The following FUNDC1 variants were observed in gnomAD, a reference collection of about 807,000 sequenced individuals.
FUNDC1 encodes the protein FUN14 domain containing 1.
FUNDC1 carries 10 observed loss-of-function variants against 14.5 expected under a neutral mutation model. The ratio of observed to expected loss-of-function variants is 0.69; its 90% CI spans 0.43 to 1.17. The LOEUF (loss-of-function observed/expected upper bound fraction) is 1.17, where lower values mean the gene tolerates loss of function less well. Ranked by LOEUF, FUNDC1 falls within the 50% of genes most tolerant of loss-of-function variation. The probability of loss-of-function intolerance (pLI) is 0.00; values close to 1 mark genes in which losing one functional copy is unlikely to be tolerated. For synonymous variants in FUNDC1, 33 were observed against 39.7 expected (o/e 0.83, Z 0.64); for missense variants, 115 against 113.8 (o/e 1.01, Z -0.05).
intron 3 of FUNDC1, among the ~76,000 whole-genome samples, chrX:44,536,203 C>G (rs1339753299): frequency 9.3e-6 from 1 of 107,410 alleles, no homozygotes; most frequent in Admixed American, 1.0e-4. Context: ...TCTATAATCC[C>G]AGCTACTTGG....
intron 1 of FUNDC1, among the ~76,000 whole-genome samples, chrX:44,542,589 G>A (rs1400240568): frequency 9.1e-6 from 1 of 110,195 alleles, no homozygotes; most frequent in Non-Finnish European, 1.9e-5. Flanking sequence ...GCAGGAGGCA[G>A]GTAGGGCTGT....
At chrX:44,540,414 T>TTGTGTGTGTATG (rs1555923157) in intron 2 of FUNDC1, among the ~76,000 whole-genome samples, 65 of 96,669 alleles carry the variant, frequency 6.7e-4, no homozygotes, top group African/African-American at 1.4e-3. Flanking sequence ...AATGTGTGTG[T>TTGTGTGTGTATG]TGTGTGTGTG....
Position 44,531,296 on chromosome X carries a change from T to C in FUNDC1, c.262-3931A>G, listed in dbSNP as rs1464186049. Among the ~76,000 whole-genome samples the C allele has an allele frequency of 8.5e-4, 27 of 31,802 alleles. 4 individuals carry two copies. Among genetic ancestry groups the C allele is most frequent in the South Asian group, 3.9e-3 (3 of 775 alleles). 27.6% of individuals were successfully genotyped at this position (31,802 alleles called of 115,157 possible). On this transcript the variant is annotated intron_variant, in intron 3 of 4. Transcript: ENST00000378045. ...CACACACACACACACGGCTTTCAGATGAAGATTCATGTTGGCCAGACACAC... is the reference window on the plus strand; with the variant it reads ...CACACACACACACACGGCTTTCAGACGAAGATTCATGTTGGCCAGACACAC...
At chrX:44,531,325 C>A (rs1310979082) in intron 3 of FUNDC1, among the ~76,000 whole-genome samples, 10 of 60,218 alleles carry the variant, frequency 1.7e-4, no homozygotes, top group African/African-American at 1.2e-3. Flanking sequence ...GACACACACA[C>A]ACACACACAC....
At position 44,538,534 on chromosome X, in the gene FUNDC1, C is replaced by T. The variant is rs1411966188; in HGVS notation, c.194G>A (p.Gly65Glu). Residue 65 changes from glycine (G) to glutamate (E), a missense_variant, in exon 3 of 5, where the codon GGA (glycine) becomes GAA (glutamate). Transcript: ENST00000378045. ...VMGGVTGWCA[G>E]FLFQKVGKLA... ...TTTTCCAACTTTCTGGAACAGAAAT[C>T]CTGCACACCTTTAATCAAATAACAA... The T allele has an allele frequency of 8.4e-7, 1 of 1,191,824 alleles. No homozygotes were observed. The highest frequency in any genetic ancestry group is 1.8e-5 in the South Asian group (1 of 56,457).
At chrX:44,524,760 C>A in intron 4 of FUNDC1, among the ~76,000 whole-genome samples, 1 of 111,297 alleles carries the variant, frequency 9.0e-6, no homozygotes, top group Middle Eastern at 4.6e-3. Context: ...CCAGAAATGT[C>A]CCTGACTAAT....
intron 3 of FUNDC1, among the ~76,000 whole-genome samples, chrX:44,536,501 C>T (rs889175588): frequency 3.6e-5 from 4 of 110,740 alleles, no homozygotes; most frequent in Admixed American, 1.9e-4. Context: ...AGTAACTACA[C>T]TCAGACGATT....
At chrX:44,534,016 G>T (rs1366495299) in intron 3 of FUNDC1, among the ~76,000 whole-genome samples, 1 of 108,538 alleles carries the variant, frequency 9.2e-6, no homozygotes, top group Non-Finnish European at 1.9e-5. Context: ...AGTGAGCCAA[G>T]ATCGCACCAC....
intron 2 of FUNDC1, 48 bp downstream of exon 2, chrX:44,541,897 A>T (rs767202127): frequency 8.9e-7 from 1 of 1,128,078 alleles, no homozygotes; most frequent in African/African-American, 1.8e-5. Flanking sequence ...AAAGGACAGC[A>T]GTGTCAGGCC....
intron 3 of FUNDC1, among the ~76,000 whole-genome samples, chrX:44,529,685 G>A (rs2038915269): frequency 8.9e-6 from 1 of 111,885 alleles, no homozygotes; most frequent in Admixed American, 9.5e-5. Flanking sequence ...GCAACAAAAT[G>A]GATGAGCTAG....
chrX:44,529,065 AT>A (rs769763050), intron 3 of FUNDC1, among the ~76,000 whole-genome samples: 2 of 111,872 alleles, frequency 1.8e-5, no homozygotes, highest in Non-Finnish European at 3.8e-5. Context: ...AAGACTTAAC[AT>A]TTTAAGTTAC....
intron 4 of FUNDC1, among the ~76,000 whole-genome samples, chrX:44,525,506 A>G (rs1005231898): frequency 9.2e-6 from 1 of 108,144 alleles, no homozygotes; most frequent in African/African-American, 3.4e-5. Context: ...CTTAATTGGG[A>G]AAAAAAAAGC....
At chrX:44,535,630 A>C (rs1331524417) in intron 3 of FUNDC1, among the ~76,000 whole-genome samples, 5 of 93,535 alleles carry the variant, frequency 5.3e-5, no homozygotes, top group African/African-American at 2.1e-4. Context: ...AGATCGCACC[A>C]CTGCACTCCA....
chrX:44,524,523 C>T (rs2038893724), intron 4 of FUNDC1, among the ~76,000 whole-genome samples: 2 of 110,542 alleles, frequency 1.8e-5, no homozygotes, highest in South Asian at 3.8e-4. Flanking sequence ...GTAATGATTG[C>T]AGAAAAATGT....
At chrX:44,533,876 C>T (rs745396390) in intron 3 of FUNDC1, among the ~76,000 whole-genome samples, 2 of 107,184 alleles carry the variant, frequency 1.9e-5, no homozygotes, top group Non-Finnish European at 3.8e-5. Context: ...CCAGCCTGGG[C>T]AACATAGCAA....
Position 44,527,169 on chromosome X carries a change from G to A in FUNDC1, c.390+68C>T. The A allele has an allele frequency of 4.8e-6, 4 of 841,980 alleles. No homozygotes were observed. In the South Asian group the frequency reaches 1.2e-4, roughly 25 times the overall value. 69.4% of individuals were successfully genotyped at this position (841,980 alleles called of 1,213,427 possible). A position where few individuals can be genotyped will look rare whatever the true frequency, so the allele number is the denominator to read the frequency against. On this transcript the variant is annotated intron_variant, in intron 4 of 4. Transcript: ENST00000378045. ...GTAATCCCCCCCGGTCACATTTTCT[G>A]CTAAGGGATACCCATTAACCAAAAA...
chrX:44,539,697 C>T (rs960472193), intron 2 of FUNDC1, among the ~76,000 whole-genome samples: 1 of 111,275 alleles, frequency 9.0e-6, no homozygotes, highest in Non-Finnish European at 1.9e-5. Context: ...AGATGGAGCT[C>T]GCTCTGTCAC....
chrX:44,539,101 C>T (rs1371269978), intron 2 of FUNDC1, among the ~76,000 whole-genome samples: 2 of 111,582 alleles, frequency 1.8e-5, no homozygotes, highest in Non-Finnish European at 3.8e-5. Context: ...ATACTTCAGC[C>T]CACATTTCTA....
Position 44,542,844 on chromosome X carries a change from C to G in FUNDC1, c.-12G>C. On this transcript the variant is annotated 5_prime_UTR_variant, in exon 1 of 5. Coordinates refer to ENST00000378045, the MANE Select transcript of FUNDC1 (RefSeq NM_173794.4). ...TTCCGGGTCGCCATGATACCGCCAG[C>G]GGCCAATTCTGGAGTGGTCCCCACC... is the stretch of plus-strand genomic sequence containing the variant. The G allele has an allele frequency of 2.6e-6, 3 of 1,167,564 alleles. No homozygotes were observed. The highest frequency in any genetic ancestry group is 3.4e-6 in the Non-Finnish European group (3 of 872,512).
Sources: gnomAD v4.1 joint callset for allele counts (sites outside exome capture counted in the v4.1 genomes callset) on GRCh38, gnomAD v4.1.1 for gene constraint, MANE v1.5 for transcripts, NCBI Gene and HGNC (gene_info 2026-07-23, HGNC 2026-07-21) for gene names.